Variants in SGCZ observed in about 807,000 individuals in gnomAD.
The protein encoded by SGCZ is sarcoglycan zeta.
Under a neutral mutation model 41.3 loss-of-function variants are expected in SGCZ, and 40 were observed. The ratio of observed to expected loss-of-function variants is 0.97; its 90% CI spans 0.75 to 1.26. SGCZ has a LOEUF of 1.26. Ranked by LOEUF, SGCZ falls within the 50% of genes most tolerant of loss-of-function variation. SGCZ has a pLI of 0.00. For synonymous variants in SGCZ, 206 were observed against 137.5 expected (o/e 1.50, Z -3.49); for missense variants, 552 against 369.8 (o/e 1.49, Z -4.04).
intron 1 of SGCZ, among the ~76,000 whole-genome samples, chr8:14,684,461 C>T (rs17320272): frequency 0.11 from 16,009 of 152,110 alleles, 1,149 homozygotes; most frequent in South Asian, 0.17. Context: ...CTGACTCTGG[C>T]TAAAAGAGCT....
At chr8:14,365,193 CTACT>C (rs1431245436) in intron 2 of SGCZ, among the ~76,000 whole-genome samples, 1 of 151,974 alleles carries the variant, frequency 6.6e-6, no homozygotes, top group Non-Finnish European at 1.5e-5. Flanking sequence ...CTGGACTTAC[CTACT>C]TACAGATTTT....
intron 5 of SGCZ, among the ~76,000 whole-genome samples, chr8:14,158,229 C>G (rs1411276897): frequency 6.6e-6 from 1 of 152,014 alleles, no homozygotes; most frequent in Non-Finnish European, 1.5e-5. Context: ...CCTCTTTTGT[C>G]CTGCCAAAGA....
intron 4 of SGCZ, among the ~76,000 whole-genome samples, chr8:14,193,768 A>T (rs1262522792): frequency 6.6e-6 from 1 of 151,564 alleles, no homozygotes; most frequent in Non-Finnish European, 1.5e-5. Flanking sequence ...CTAGCTTGTC[A>T]CCCTTGTCCA....
intron 1 of SGCZ, among the ~76,000 whole-genome samples, chr8:14,979,126 G>C (rs978792377): frequency 6.6e-6 from 1 of 151,972 alleles, no homozygotes; most frequent in African/African-American, 2.4e-5. Context: ...ACAGAGGCAA[G>C]GCATATATGA....
At chr8:14,272,764 G>C (rs556569955) in intron 3 of SGCZ, among the ~76,000 whole-genome samples, 2 of 152,252 alleles carry the variant, frequency 1.3e-5, no homozygotes, top group South Asian at 4.1e-4. Flanking sequence ...TTGGTGAACA[G>C]CTTGTTATAA....
intron 1 of SGCZ, among the ~76,000 whole-genome samples, chr8:14,648,833 T>G (rs1269641876): frequency 6.6e-6 from 1 of 152,096 alleles, no homozygotes; most frequent in Admixed American, 6.6e-5. Flanking sequence ...ATTTCTGCCT[T>G]GTAGTGACAC....
At chr8:14,647,923 C>T (rs12549061) in intron 1 of SGCZ, among the ~76,000 whole-genome samples, 29,747 of 151,800 alleles carry the variant, frequency 0.2, 3,415 homozygotes, top group East Asian at 0.6. Flanking sequence ...TTGGGTATTC[C>T]TCCACTATCT....
chr8:15,082,405 T>C (rs1805787398), intron 1 of SGCZ, among the ~76,000 whole-genome samples: 1 of 147,724 alleles, frequency 6.8e-6, no homozygotes, highest in East Asian at 2.0e-4. Flanking sequence ...TACACACATA[T>C]ACACACACAC....
chr8:14,135,981 G>T (rs1419633728), intron 5 of SGCZ, among the ~76,000 whole-genome samples: 2 of 152,098 alleles, frequency 1.3e-5, no homozygotes, highest in East Asian at 3.9e-4. Flanking sequence ...TTATGAGATT[G>T]GTAGTACCCT....
chr8:14,215,687 A>G (rs866553239), intron 4 of SGCZ, among the ~76,000 whole-genome samples: 2 of 152,290 alleles, frequency 1.3e-5, no homozygotes, highest in Middle Eastern at 6.8e-3. Flanking sequence ...TAATCTTTAG[A>G]ATAATAAGAT....
At chr8:14,504,720 C>A (rs1176064685) in intron 2 of SGCZ, among the ~76,000 whole-genome samples, 1 of 152,098 alleles carries the variant, frequency 6.6e-6, no homozygotes, top group Non-Finnish European at 1.5e-5. Context: ...CAATTAAATA[C>A]ATATCTCTTA....
chr8:14,873,799 A>G (rs555302746), intron 1 of SGCZ, among the ~76,000 whole-genome samples: 2 of 152,268 alleles, frequency 1.3e-5, no homozygotes, highest in African/African-American at 4.8e-5. Flanking sequence ...CCTTGGCCAG[A>G]TGTATACCTA....
chr8:14,262,345 A>G (rs1466493837), intron 3 of SGCZ, among the ~76,000 whole-genome samples: 1 of 152,148 alleles, frequency 6.6e-6, no homozygotes, highest in Non-Finnish European at 1.5e-5. Context: ...AATTCTGTAC[A>G]ATAGCACTTT....
chr8:14,310,578 T>G (rs548301594), intron 3 of SGCZ, among the ~76,000 whole-genome samples: 11 of 152,112 alleles, frequency 7.2e-5, no homozygotes, highest in Non-Finnish European at 1.3e-4. Context: ...TTGTATTACT[T>G]AGGTTATTTT....
chr8:14,478,184 G>T (rs985918080), intron 2 of SGCZ, among the ~76,000 whole-genome samples: 31 of 152,318 alleles, frequency 2.0e-4, no homozygotes, highest in African/African-American at 7.0e-4. Context: ...TAGCAATCAT[G>T]CCCCTTGGCA....
intron 1 of SGCZ, among the ~76,000 whole-genome samples, chr8:14,572,610 C>T (rs1483137295): frequency 2.0e-5 from 3 of 152,136 alleles, no homozygotes; most frequent in African/African-American, 7.2e-5. Flanking sequence ...TAGGAGGAGG[C>T]TTTTGATTCC....
intron 5 of SGCZ, among the ~76,000 whole-genome samples, chr8:14,116,579 A>G (rs550500931): frequency 3.9e-4 from 59 of 152,238 alleles, no homozygotes; most frequent in African/African-American, 1.3e-3. Flanking sequence ...TAGAGTCCAA[A>G]TGAGAATCAG....
At chr8:14,346,524 C>T (rs1802895835) in intron 2 of SGCZ, among the ~76,000 whole-genome samples, 1 of 151,834 alleles carries the variant, frequency 6.6e-6, no homozygotes, top group African/African-American at 2.4e-5. Context: ...TATTTCAAGC[C>T]ATAGAGTTAC....
At chr8:15,056,498 T>C (rs564027934) in intron 1 of SGCZ, among the ~76,000 whole-genome samples, 2 of 151,922 alleles carry the variant, frequency 1.3e-5, no homozygotes, top group Non-Finnish European at 2.9e-5. Flanking sequence ...GATGAATACA[T>C]GAATGATGTT....
Sources: gnomAD v4.1 joint callset for allele counts (sites outside exome capture counted in the v4.1 genomes callset) on GRCh38, gnomAD v4.1.1 for gene constraint, MANE v1.5 for transcripts, NCBI Gene and HGNC (gene_info 2026-07-23, HGNC 2026-07-21) for gene names.